Variants in ARHGDIG observed in about 807,000 individuals in gnomAD.
ARHGDIG encodes rho GDP-dissociation inhibitor 3.
A neutral mutation model predicts 20.2 loss-of-function variants in ARHGDIG; 14 were observed. That is an observed-to-expected ratio of 0.69 (90% CI 0.46 to 1.08). The LOEUF (loss-of-function observed/expected upper bound fraction) is 1.08. Ranked by LOEUF, ARHGDIG falls within the 50% of genes least tolerant of loss-of-function variation. ARHGDIG has a pLI of 0.00. For missense variants in ARHGDIG, 311 were observed against 301.8 expected, an observed-to-expected ratio of 1.03 and a Z score of -0.23; for synonymous variants, 193 against 138.6, an observed-to-expected ratio of 1.39 and a Z score of -2.76.
Position 282,083 on chromosome 16 carries a change from G to A in ARHGDIG, c.312G>A (p.Pro104=), listed in dbSNP as rs144552315. The A allele has an allele frequency of 4.0e-5, 64 of 1,612,862 alleles. No homozygotes were observed. Among genetic ancestry groups the A allele is most frequent in the South Asian group, 1.3e-4 (12 of 91,084 alleles). The change falls in exon 3 of 6, where the codon CCG becomes CCA. Residue 104 remains proline (P), a synonymous_variant. Coordinates refer to ENST00000219409, the MANE Select transcript of ARHGDIG (RefSeq NM_001176.4). ...TGACACTCCTGTCGGAACAGGCTCC[G>A]GGGCCCGTCGTCATGGATCTCACAG... The part of the protein sequence containing the change: ...TRLTLLSEQA[P]GPVVMDLTGD...
chr16:282,119 G>C lies in ARHGDIG; in HGVS notation c.337+11G>C. 6.2e-7 allele frequency: 1 copy of C among 1,612,872 alleles called. No homozygotes were observed. On this transcript the variant is annotated intron_variant, in intron 3 of 5. Transcript: ENST00000219409. ...TCATGGATCTCACAGGTAACTCGCA[G>C]GATGCTGCACCCTGAACACAGGTAG... is the stretch of plus-strand genomic sequence containing the variant.
chr16:282,567 G>GGGGCCGGGGGGGGGGGGGGC, intron 5 of ARHGDIG, 37 bp downstream of exon 5: 3 of 957,340 alleles, frequency 3.1e-6, no homozygotes, highest in Non-Finnish European at 4.6e-6. Flanking sequence ...GCGGGGGGGG[G>GGGGCCGGGGGGGGGGGGGGC]AAGCGGGGGC....
At position 283,007 on chromosome 16, in the gene ARHGDIG, C is replaced by G; in HGVS notation, c.*193C>G. The stretch of plus-strand genomic sequence containing the variant: ...CCATTAAACATGGCCCTGTCTCTCT[C>G]GGTGCCCTGGGTGTCGTCTCTTTCT... On this transcript the variant is annotated 3_prime_UTR_variant, in exon 6 of 6. Coordinates refer to ENST00000219409, the MANE Select transcript of ARHGDIG (RefSeq NM_001176.4). The G allele has an allele frequency of 2.2e-6, 2 of 892,252 alleles. No homozygotes were observed. The highest frequency in any genetic ancestry group is 3.7e-5 in the South Asian group (2 of 54,640). 55.3% of individuals were successfully genotyped at this position (892,252 alleles called of 1,614,324 possible). A position where few individuals can be genotyped will look rare whatever the true frequency, so the allele number is the denominator to read the frequency against.
At position 282,633 on chromosome 16, in the gene ARHGDIG, TGGTG is replaced by T. The variant is rs2052300233; in HGVS notation, c.500_503del (p.Val167AlafsTer13). ...TCCCTAGTGGACAAGACCGTCTACATGGTGGGCAGCTATGGCCCGAGCGCCCAGG... is the reference window on the plus strand; with the variant it reads ...TCCCTAGTGGACAAGACCGTCTACATGGCAGCTATGGCCCGAGCGCCCAGG... On this transcript the variant is annotated frameshift_variant, in exon 6 of 6. Coordinates refer to ENST00000219409, the MANE Select transcript of ARHGDIG (RefSeq NM_001176.4). LOFTEE classifies it low-confidence loss of function (END_TRUNC). The T allele has an allele frequency of 3.8e-6, 6 of 1,598,266 alleles. No homozygotes were observed. The highest frequency in any genetic ancestry group is 5.1e-6 in the Non-Finnish European group (6 of 1,172,178).
chr16:282,157 C>G (rs1387453204), intron 3 of ARHGDIG, 49 bp downstream of exon 3: 1 of 1,608,976 alleles, frequency 6.2e-7, no homozygotes, highest in South Asian at 1.1e-5. Flanking sequence ...CCCTCCCAGG[C>G]ACGCTTCTGC....
In ARHGDIG at chr16:282,906, C is replaced by CCTGCTGCCT. The variant is rs1399002807; in HGVS notation, c.*100_*101insTCTGCTGCC. On this transcript the variant is annotated 3_prime_UTR_variant, in exon 6 of 6. Transcript: ENST00000219409. The stretch of plus-strand genomic sequence containing the variant: ...CCCCCCGTGAGTGACCAGACCCTCC[C>CCTGCTGCCT]CTGCTGCCCCTGCTGCCCCTGCTGC... 42 of 952,616 alleles carry CCTGCTGCCT rather than the reference C, an allele frequency of 4.4e-5. No individual in the cohort carries two copies. The highest frequency in any genetic ancestry group is 3.7e-5 in the Non-Finnish European group (25 of 677,802). 59.0% of individuals were successfully genotyped at this position (952,616 alleles called of 1,614,324 possible).
In ARHGDIG at chr16:280,825, G is replaced by T; in HGVS notation, c.73+72G>T. 1 of 1,069,216 alleles carries T rather than the reference G, an allele frequency of 9.4e-7. No individual in the cohort carries two copies. Among genetic ancestry groups the T allele is most frequent in the Non-Finnish European group, 1.2e-6 (1 of 851,442 alleles). 66.2% of individuals were successfully genotyped at this position (1,069,216 alleles called of 1,614,324 possible). ...GGGCGGGGAGTAGCCCCTCCCCCGC[G>T]GCAACTTTGGGGGCGCGCATGGGGA... On this transcript the variant is annotated intron_variant, in intron 1 of 5. Coordinates refer to ENST00000219409, the MANE Select transcript of ARHGDIG (RefSeq NM_001176.4). The surrounding 1 kb of genome is among the most constrained non-coding windows in gnomAD (Gnocchi z 6.6).
Position 281,933 on chromosome 16 carries a change from A to G in ARHGDIG, c.253+8A>G, listed in dbSNP as rs763312757. 6.3e-6 allele frequency: 9 copies of G among 1,424,788 alleles called. No homozygotes were observed. The highest frequency in any genetic ancestry group is 3.4e-5 in the South Asian group (3 of 87,412). The allele number at this position is 1,424,788 out of a possible 1,614,324, so 88.3% of individuals were successfully genotyped here. A position where few individuals can be genotyped will look rare whatever the true frequency, so the allele number is the denominator to read the frequency against. The stretch of plus-strand genomic sequence containing the variant: ...CCCTGCCACCGGCCGTGGGTATGGC[A>G]GGGGTCTAGGCTTGGAGGGCTGGGT... On this transcript the variant is annotated splice_region_variant and intron_variant, in intron 2 of 5. Transcript: ENST00000219409.
At chr16:281,002 C>T (rs1400102720) in intron 1 of ARHGDIG, 7 of 209,112 alleles carry the variant, frequency 3.3e-5, no homozygotes. Context: ...CCGCCTGGAG[C>T]CCCTCTGTCT....
chr16:281,937 G>A lies in ARHGDIG; in HGVS notation c.253+12G>A, dbSNP rs764669530. 3 of 1,601,684 alleles carry A rather than the reference G, an allele frequency of 1.9e-6. No homozygotes were observed. The highest frequency in any genetic ancestry group is 2.7e-5 in the African/African-American group (2 of 74,566). ...GCCACCGGCCGTGGGTATGGCAGGG[G>A]TCTAGGCTTGGAGGGCTGGGTCTGG... On this transcript the variant is annotated intron_variant, in intron 2 of 5. Coordinates refer to ENST00000219409, the MANE Select transcript of ARHGDIG (RefSeq NM_001176.4).
Position 280,795 on chromosome 16 carries a change from G to T in ARHGDIG, c.73+42G>T, listed in dbSNP as rs2052275170. ...GGGGCGGGGGGCTCGGCTGGTCTCA[G>T]CCCCGGGCGGGGAGTAGCCCCTCCC... On this transcript the variant is annotated intron_variant, in intron 1 of 5. Coordinates refer to ENST00000219409, the MANE Select transcript of ARHGDIG (RefSeq NM_001176.4). This position sits in a 1 kb window ranked among gnomAD's most constrained non-coding sequence, Gnocchi z 6.6. The T allele has an allele frequency of 1.6e-6, 2 of 1,230,922 alleles. No homozygotes were observed. The highest frequency in any genetic ancestry group is 1.0e-6 in the Non-Finnish European group (1 of 978,422). The allele number at this position is 1,230,922 out of a possible 1,614,324, so 76.2% of individuals were successfully genotyped here.
rs1198668332 is a variant in ARHGDIG at position 281,444 on chromosome 16, C to G, written c.74-302C>G. ...GCCCCTGACCCTGGGCTGCCCTCAT[C>G]TGAAGTCTTCGCTCCCCCGCCCTTT... On this transcript the variant is annotated intron_variant, in intron 1 of 5. Transcript: ENST00000219409. 2.0e-5 allele frequency: 7 copies of G among 356,044 alleles called. No homozygotes were observed. In the East Asian group the frequency reaches 3.7e-4, roughly 19 times the overall value. 22.1% of individuals were successfully genotyped at this position (356,044 alleles called of 1,614,324 possible). A position where few individuals can be genotyped will look rare whatever the true frequency, so the allele number is the denominator to read the frequency against.
Position 282,524 on chromosome 16 carries a change from C to T in ARHGDIG, c.472C>T (p.Leu158=). Residue 158 remains leucine, a synonymous_variant, in exon 5 of 6, where the codon CTG becomes TTG. Coordinates refer to ENST00000219409, the MANE Select transcript of ARHGDIG (RefSeq NM_001176.4). The part of the protein sequence containing the change: ...KCLHHTYRRG[L]RVDKTVYMVG... The stretch of plus-strand genomic sequence containing the variant: ...TCTGCACCACACCTACCGCCGGGGC[C>T]TGCGCGGTGAGGGCAGCGGTGGGGG... The T allele has an allele frequency of 6.6e-7, 1 of 1,510,440 alleles. No homozygotes were observed. Among genetic ancestry groups the T allele is most frequent in the Non-Finnish European group, 8.9e-7 (1 of 1,123,754 alleles). 93.6% of individuals were successfully genotyped at this position (1,510,440 alleles called of 1,614,324 possible).
Position 282,192 on chromosome 16 carries a change from C to A in ARHGDIG, c.337+84C>A, listed in dbSNP as rs1031598718. On this transcript the variant is annotated intron_variant, in intron 3 of 5. Coordinates refer to ENST00000219409, the MANE Select transcript of ARHGDIG (RefSeq NM_001176.4). ...CACCCCTGAGTTCCGAGCCCTGGGC[C>A]ATCACAGTCGCACACCTCATGGGTA... The A allele has an allele frequency of 1.4e-5, 22 of 1,604,554 alleles. No homozygotes were observed. In the Admixed American group the frequency reaches 3.5e-4, roughly 26 times the overall value.
In ARHGDIG at chr16:281,527, C is replaced by T. The variant is rs2052282784; in HGVS notation, c.74-219C>T. On this transcript the variant is annotated intron_variant, in intron 1 of 5. Transcript: ENST00000219409. ...CATCTGGGCCAGAGGAGCTGCAGGCCTGGCGGTCTCTGGAGGCCCCTCCTG... is the reference window on the plus strand; with the variant it reads ...CATCTGGGCCAGAGGAGCTGCAGGCTTGGCGGTCTCTGGAGGCCCCTCCTG... 6 of 536,824 alleles carry T rather than the reference C, an allele frequency of 1.1e-5. No homozygotes were observed. In the Middle Eastern group the frequency reaches 1.5e-3, roughly 132 times the overall value. 33.3% of individuals were successfully genotyped at this position (536,824 alleles called of 1,614,324 possible).
chr16:281,603 T>G, intron 1 of ARHGDIG, 143 bp from the exon 2 acceptor site: 1 of 1,021,922 alleles, frequency 9.8e-7, no homozygotes, highest in African/African-American at 1.6e-5. Context: ...CTCTCTCTGC[T>G]CGCTCTCTCC....
chr16:280,668 GCC>G lies in ARHGDIG; in HGVS notation c.-12_-11del. 9.5e-7 allele frequency: 1 copy of G among 1,050,526 alleles called. No homozygotes were observed. Among genetic ancestry groups the G allele is most frequent in the Non-Finnish European group, 1.1e-6 (1 of 872,368 alleles). 65.1% of individuals were successfully genotyped at this position (1,050,526 alleles called of 1,614,324 possible). Reference sequence around the variant, plus strand: ...TCCTCGGCGGCTCCGCGGCGCCCGGGCCGCGCGCCGCCATGCTGGGCCTGGAC... The same window carrying G: ...TCCTCGGCGGCTCCGCGGCGCCCGGGGCGCGCCGCCATGCTGGGCCTGGAC... On this transcript the variant is annotated 5_prime_UTR_variant, in exon 1 of 6. Transcript: ENST00000219409. This position sits in a 1 kb window ranked among gnomAD's most constrained non-coding sequence, Gnocchi z 6.6.
chr16:281,850 C>G lies in ARHGDIG; in HGVS notation c.178C>G (p.Arg60Gly). The G allele has an allele frequency of 6.2e-7, 1 of 1,611,680 alleles. No homozygotes were observed. Among genetic ancestry groups the G allele is most frequent in the Non-Finnish European group, 8.5e-7 (1 of 1,179,828 alleles). The change falls in exon 2 of 6, where the codon CGG (arginine) becomes GGG (glycine). Residue 60 changes from arginine to glycine, a missense_variant. Coordinates refer to ENST00000219409, the MANE Select transcript of ARHGDIG (RefSeq NM_001176.4). ...GGGGAGGAAGAGCCTCTTGGAGATCCGGCAGCTGGACCCGGACGACAGGAG... is the reference window on the plus strand; with the variant it reads ...GGGGAGGAAGAGCCTCTTGGAGATCGGGCAGCTGGACCCGGACGACAGGAG... The part of the protein sequence containing the change: ...APGRKSLLEI[R>G]QLDPDDRSLA...
chr16:281,543 G>GC, intron 1 of ARHGDIG: 1 of 569,878 alleles, frequency 1.8e-6, no homozygotes, highest in Non-Finnish European at 3.0e-6. Context: ...GTCTCTGGAG[G>GC]CCCCTCCTGA....
Sources: allele counts gnomAD v4.1 joint callset, GRCh38; gene constraint gnomAD v4.1.1; non-coding constraint Gnocchi (gnomAD v3.1); transcripts MANE v1.5; gene names NCBI Gene and HGNC (gene_info 2026-07-23, HGNC 2026-07-21).